KLHL13: variants seen among roughly 807,000 people sequenced by gnomAD.
KLHL13 encodes the protein kelch like family member 13, also known as kelch-like protein 13.
A neutral mutation model predicts 37.1 loss-of-function variants in KLHL13; 10 were observed. The observed-to-expected ratio is 0.27, with a 90% CI of 0.17 to 0.46. The LOEUF (loss-of-function observed/expected upper bound fraction) is 0.46, where lower values mean the gene tolerates loss of function less well. KLHL13 is among the 20% of genes least tolerant of loss of function. The pLI is 1.00. For synonymous variants in KLHL13, 163 were observed against 181.2 expected (o/e 0.90, Z 0.81); for missense variants, 360 against 509.3 (o/e 0.71, Z 2.82).
intron 1 of KLHL13, among the ~76,000 whole-genome samples, chrX:118,033,228 G>C (rs1269884295): frequency 9.0e-6 from 1 of 110,745 alleles, no homozygotes; most frequent in East Asian, 2.8e-4. Context: ...TTCAGATTCA[G>C]GAAATACAGA....
intron 1 of KLHL13, among the ~76,000 whole-genome samples, chrX:118,107,694 T>C (rs1208142765): frequency 9.0e-6 from 1 of 111,570 alleles, no homozygotes; most frequent in Non-Finnish European, 1.9e-5. Context: ...CAGTCAGGAT[T>C]TGAACCCAAG....
intron 1 of KLHL13, among the ~76,000 whole-genome samples, chrX:118,083,203 C>G (rs1051514798): frequency 1.4e-4 from 16 of 111,756 alleles, no homozygotes; most frequent in African/African-American, 4.9e-4. Context: ...CCTCAAAAAA[C>G]TAAAAATAAA....
chrX:118,053,828 A>AG (rs1311640643), intron 1 of KLHL13, among the ~76,000 whole-genome samples: 2 of 47,759 alleles, frequency 4.2e-5, no homozygotes, highest in African/African-American at 1.9e-4. Context: ...AGGAGAGGAG[A>AG]GAGAGAGAGA....
chrX:117,922,055 C>T (rs144822512), intron 2 of KLHL13, among the ~76,000 whole-genome samples: 1,408 of 111,822 alleles, frequency 0.013, 7 homozygotes, highest in Middle Eastern at 0.023. Context: ...TTTTCCATTA[C>T]TAATTCGTCT....
intron 1 of KLHL13, among the ~76,000 whole-genome samples, chrX:117,964,976 C>G (rs1234823063): frequency 9.0e-6 from 1 of 111,719 alleles, no homozygotes; most frequent in African/African-American, 3.3e-5. Flanking sequence ...TTTTCTTAAT[C>G]CGGTCTATCA....
At chrX:117,983,540 C>G (rs2053689357) in intron 1 of KLHL13, 1 of 1,142,274 alleles carries the variant, frequency 8.8e-7, no homozygotes, top group Non-Finnish European at 1.2e-6. Context: ...CAATTGCCTC[C>G]GTCTCCTGAA....
At chrX:117,924,964 C>T (rs1434615762) in intron 2 of KLHL13, among the ~76,000 whole-genome samples, 1 of 110,853 alleles carries the variant, frequency 9.0e-6, no homozygotes, top group Admixed American at 9.6e-5. Context: ...CTGTATTAAA[C>T]TTACCCAATG....
chrX:118,116,896 T>TGGCGGCGGG (rs1441959859), upstream of KLHL13: 5 of 17,672 alleles, frequency 2.8e-4, no homozygotes, highest in African/African-American at 1.2e-3. Context: ...GGGGGAAACA[T>TGGCGGCGGG]GGCGGCGGGG....
At position 117,907,747 on chromosome X, in the gene KLHL13, C is replaced by A. The variant is rs191868233; in HGVS notation, c.1366+1554G>T. Among the ~76,000 whole-genome samples, 532 of 109,312 alleles carry A rather than the reference C, an allele frequency of 4.9e-3. 2 individuals are homozygous for A. Among genetic ancestry groups the A allele is most frequent in the African/African-American group, 0.017 (508 of 30,043 alleles). 94.9% of individuals were successfully genotyped at this position (109,312 alleles called of 115,157 possible). On this transcript the variant is annotated intron_variant, in intron 5 of 6. Transcript: ENST00000262820. ...CAGTTCATGATCATGCGACATAGTC[C>A]AACAATCTAGAAAATCTGGTCTTAG...
intron 1 of KLHL13, among the ~76,000 whole-genome samples, chrX:118,062,508 C>A (rs2054752888): frequency 1.8e-5 from 2 of 109,666 alleles, no homozygotes; most frequent in Non-Finnish European, 3.8e-5. Context: ...AGCTTCATTT[C>A]CAAGATTAGG....
intron 1 of KLHL13, among the ~76,000 whole-genome samples, chrX:118,090,584 T>G (rs776059406): frequency 9.0e-6 from 1 of 111,290 alleles, no homozygotes; most frequent in African/African-American, 3.3e-5. Flanking sequence ...TGAGATACCA[T>G]CTCACACCAG....
At chrX:117,933,029 G>A (rs755822562) in intron 2 of KLHL13, among the ~76,000 whole-genome samples, 2 of 110,193 alleles carry the variant, frequency 1.8e-5, no homozygotes, top group Admixed American at 1.9e-4. Context: ...GAAATGAAAT[G>A]TCTATTCAGG....
chrX:117,963,826 GA>G (rs1445120948), intron 1 of KLHL13, among the ~76,000 whole-genome samples: 1 of 106,853 alleles, frequency 9.4e-6, no homozygotes, highest in African/African-American at 3.4e-5. Flanking sequence ...CAGTGATGAT[GA>G]GCATTACATA....
chrX:118,087,558 A>G (rs1214315504), intron 1 of KLHL13, among the ~76,000 whole-genome samples: 1 of 110,965 alleles, frequency 9.0e-6, no homozygotes, highest in Non-Finnish European at 1.9e-5. Flanking sequence ...AAATTAATAA[A>G]TTTGGGGACC....
chrX:118,072,192 T>C (rs1470190142), intron 1 of KLHL13, among the ~76,000 whole-genome samples: 1 of 110,585 alleles, frequency 9.0e-6, no homozygotes, highest in East Asian at 2.8e-4. Flanking sequence ...TACAACTATG[T>C]GATCTTTGAC....
intron 1 of KLHL13, among the ~76,000 whole-genome samples, chrX:117,953,054 A>G (rs1429184578): frequency 6.3e-5 from 7 of 110,902 alleles, no homozygotes; most frequent in Non-Finnish European, 1.3e-4. Flanking sequence ...CCCATTACTG[A>G]GTATATACCC....
intron 1 of KLHL13, among the ~76,000 whole-genome samples, chrX:117,982,629 T>C (rs758474280): frequency 4.5e-5 from 5 of 112,074 alleles, no homozygotes; most frequent in African/African-American, 1.6e-4. Flanking sequence ...TTAGTGTGCA[T>C]AAGAATCACA....
chrX:117,901,677 G>C (rs921369804), intron 6 of KLHL13, among the ~76,000 whole-genome samples, 156 bp downstream of exon 7: 1 of 109,342 alleles, frequency 9.1e-6, no homozygotes, highest in Non-Finnish European at 1.9e-5. Flanking sequence ...GTTAATTTTT[G>C]TATTTTTAAT....
At chrX:117,910,384 C>T (rs1043028346) in intron 4 of KLHL13, among the ~76,000 whole-genome samples, 11 of 109,916 alleles carry the variant, frequency 1.0e-4, no homozygotes, top group African/African-American at 3.0e-4. Context: ...ACCAGTTACT[C>T]TTCTCTCCTC....
Sources: gnomAD v4.1 joint callset for allele counts (sites outside exome capture counted in the v4.1 genomes callset) on GRCh38, gnomAD v4.1.1 for gene constraint, MANE v1.5 for transcripts, NCBI Gene and HGNC (gene_info 2026-07-23, HGNC 2026-07-21) for gene names.